PGM1: variants seen among roughly 807,000 people sequenced by gnomAD.
PGM1 encodes phosphoglucomutase 1.
A neutral mutation model predicts 55.6 loss-of-function variants in PGM1; 52 were observed. The ratio of observed to expected loss-of-function variants is 0.94; its 90% CI spans 0.75 to 1.18. PGM1 has a LOEUF of 1.18. Among genes scored for constraint, PGM1 ranks in the 50% most tolerant of loss-of-function variants. The probability of loss-of-function intolerance (pLI) is 0.00; values close to 1 mark genes in which losing one functional copy is unlikely to be tolerated. For synonymous variants in PGM1, 287 were observed against 271.7 expected (o/e 1.06, Z -0.55); for missense variants, 724 against 729.3 (o/e 0.99, Z 0.08).
intron 7 of PGM1, among the ~76,000 whole-genome samples, chr1:63,645,508 C>T (rs1299390479): frequency 6.6e-6 from 1 of 152,152 alleles, no homozygotes; most frequent in East Asian, 1.9e-4. Context: ...TCTTGCTTCT[C>T]AGGATGAACT....
intron 3 of PGM1, 77 bp downstream of exon 3, chr1:63,630,165 G>A: frequency 7.3e-7 from 1 of 1,377,224 alleles, no homozygotes; most frequent in South Asian, 1.2e-5. Context: ...TTTTAGTAGA[G>A]GGTCTTCAGC....
At chr1:63,612,257 C>CA (rs5774657) in intron 1 of PGM1, among the ~76,000 whole-genome samples, 53 of 146,452 alleles carry the variant, frequency 3.6e-4, no homozygotes, top group Middle Eastern at 3.5e-3. Context: ...AACTCTGTCT[C>CA]AAAAAAAAAA....
chr1:63,634,764 T>G, intron 4 of PGM1, 65 bp from the exon 5 acceptor site: 3 of 1,384,254 alleles, frequency 2.2e-6, no homozygotes, highest in Non-Finnish European at 3.1e-6. Context: ...CACCCCTGAA[T>G]CCTCACATAC....
intron 1 of PGM1, among the ~76,000 whole-genome samples, chr1:63,617,058 G>A (rs1457629305): frequency 1.3e-5 from 2 of 152,202 alleles, no homozygotes; most frequent in Non-Finnish European, 2.9e-5. Context: ...CTATGCAGTA[G>A]CTACCACTTT....
chr1:63,619,263 T>C (rs1331291362), intron 1 of PGM1, among the ~76,000 whole-genome samples: 1 of 152,134 alleles, frequency 6.6e-6, no homozygotes, highest in Non-Finnish European at 1.5e-5. Context: ...CATGGAATAG[T>C]TGGGGGACAG....
At chr1:63,601,134 G>A (rs763356686) in intron 1 of PGM1, among the ~76,000 whole-genome samples, 3 of 152,116 alleles carry the variant, frequency 2.0e-5, no homozygotes, top group East Asian at 3.9e-4. Context: ...AGGGGAAGGC[G>A]GAAGAGGAGA....
rs146477640 is a variant in PGM1, at chr1:63,593,595, C to G, written c.107C>G (p.Ala36Gly). Residue 36 changes from alanine to glycine, a missense_variant, in exon 1 of 11, where the codon GCG (alanine) becomes GGG (glycine). By Grantham distance (60) the Ala-to-Gly change is moderately conservative. Transcript: ENST00000371084. ...VKVFQSSANY[A>G]ENFIQSIIST... ...GTGTTCCAGAGCAGCGCCAACTACG[C>G]GGAGAACTTCATCCAGAGTATCATC... 6.2e-7 allele frequency: 1 copy of G among 1,613,614 alleles called. No homozygotes were observed. The highest frequency in any genetic ancestry group is 8.5e-7 in the Non-Finnish European group (1 of 1,179,884).
At chr1:63,644,139 T>C (rs1649592395) in intron 7 of PGM1, among the ~76,000 whole-genome samples, 1 of 152,248 alleles carries the variant, frequency 6.6e-6, no homozygotes, top group East Asian at 1.9e-4. Flanking sequence ...GTTGACATTT[T>C]TCTTGGCTGA....
At position 63,623,734 on chromosome 1, in the gene PGM1, A is replaced by G. The variant is rs554580781; in HGVS notation, c.247-5691A>G. On this transcript the variant is annotated intron_variant, in intron 1 of 10. Transcript: ENST00000371084. The stretch of plus-strand genomic sequence containing the variant: ...CTTTAATAAATCAGCAATAGAAACA[A>G]TAGTGCAGATGGCAGCTGCCAATGG... 266 of 1,611,998 alleles carry G rather than the reference A, an allele frequency of 1.7e-4. 3 individuals are homozygous for G. In the South Asian group the frequency reaches 2.7e-3, roughly 16 times the overall value.
intron 1 of PGM1, among the ~76,000 whole-genome samples, chr1:63,602,093 A>G (rs1425425537): frequency 6.6e-6 from 1 of 152,196 alleles, no homozygotes; most frequent in Admixed American, 6.5e-5. Context: ...CAGGGACTCC[A>G]GTCTTCTGAT....
At chr1:63,654,582 G>A in intron 10 of PGM1, 116 bp downstream of exon 10, 1 of 958,898 alleles carries the variant, frequency 1.0e-6, no homozygotes, top group Non-Finnish European at 1.7e-6. Flanking sequence ...TACCAGCTGT[G>A]CTTACTTTCT....
chr1:63,631,690 C>T lies in PGM1; in HGVS notation c.590C>T (p.Thr197Ile), dbSNP rs1021107803. ...EIVDSVEAYATMLRSIFDFSA... is the reference protein window; with the variant it reads ...EIVDSVEAYAIMLRSIFDFSA... The stretch of plus-strand genomic sequence containing the variant: ...GTGGATTCGGTAGAAGCTTATGCTA[C>T]AATGCTGAGAAGCATCTTTGATTTC... Residue 197 changes from threonine to isoleucine, a missense_variant, in exon 4 of 11, where the codon ACA becomes ATA. Around this residue, in one of 3 missense-constraint regions of PGM1, gnomAD observed 379 missense variants for 357.5 expected, o/e 1.06. Coordinates refer to ENST00000371084, the MANE Select transcript of PGM1 (RefSeq NM_002633.3). 3 of 1,613,016 alleles carry T rather than the reference C, an allele frequency of 1.9e-6. No homozygotes were observed. The highest frequency in any genetic ancestry group is 1.3e-5 in the African/African-American group (1 of 74,904).
chr1:63,612,625 C>A (rs1648600078), intron 1 of PGM1, among the ~76,000 whole-genome samples: 1 of 152,106 alleles, frequency 6.6e-6, no homozygotes, highest in Admixed American at 6.6e-5. Context: ...CCATGAAGAC[C>A]CCTCCTTCAT....
intron 1 of PGM1, among the ~76,000 whole-genome samples, chr1:63,595,240 A>G (rs1648027096): frequency 6.6e-6 from 1 of 152,210 alleles, no homozygotes; most frequent in Admixed American, 6.5e-5. Context: ...ATCCTCCTGC[A>G]GCCCTATAAG....
At chr1:63,638,895 A>C in intron 7 of PGM1, 95 bp downstream of exon 7, 1 of 882,796 alleles carries the variant, frequency 1.1e-6, no homozygotes, top group Non-Finnish European at 2.0e-6. Context: ...TACCAACGGT[A>C]GCCGATGTGT....
At chr1:63,648,252 G>C (rs1443604771) in intron 7 of PGM1, among the ~76,000 whole-genome samples, 4 of 152,138 alleles carry the variant, frequency 2.6e-5, no homozygotes, top group Admixed American at 1.3e-4. Context: ...AGAGGCAGCC[G>C]GCACCTTCTT....
At chr1:63,596,333 T>C (rs1216806900) in intron 1 of PGM1, among the ~76,000 whole-genome samples, 1 of 143,540 alleles carries the variant, frequency 7.0e-6, no homozygotes, top group Non-Finnish European at 1.5e-5. Flanking sequence ...ATCAGCTCAC[T>C]GCAACCTCTG....
intron 4 of PGM1, among the ~76,000 whole-genome samples, chr1:63,632,524 G>A (rs1269895061): frequency 6.6e-6 from 1 of 152,028 alleles, no homozygotes; most frequent in African/African-American, 2.4e-5. Flanking sequence ...TCTCCCCTTG[G>A]GTCCTAGCTG....
chr1:63,639,456 G>A (rs999427401), intron 7 of PGM1, among the ~76,000 whole-genome samples: 10 of 151,742 alleles, frequency 6.6e-5, no homozygotes, highest in African/African-American at 2.2e-4. Flanking sequence ...CTCTCTGCTT[G>A]TCCAAATATT....
Sources: gnomAD v4.1 joint callset for allele counts (sites outside exome capture counted in the v4.1 genomes callset) on GRCh38, gnomAD v4.1.1 for gene constraint, gnomAD v4.1.1 regional missense constraint, MANE v1.5 for transcripts, NCBI Gene and HGNC (gene_info 2026-07-23, HGNC 2026-07-21) for gene names.